Variants in MACROD2 observed in about 807,000 individuals in gnomAD.
MACROD2 encodes the protein mono-ADP ribosylhydrolase 2.
MACROD2 carries 36 observed loss-of-function variants against 70.4 expected under a neutral mutation model. The ratio of observed to expected loss-of-function variants is 0.51; its 90% CI spans 0.39 to 0.68. The LOEUF is 0.68. MACROD2 is among the 30% of genes least tolerant of loss of function. The pLI is 0.00. For synonymous variants in MACROD2, 172 were observed against 178.8 expected (o/e 0.96, Z 0.30); for missense variants, 496 against 538.4 (o/e 0.92, Z 0.78).
rs1285835482 is a variant in MACROD2 at position 15,372,858 on chromosome 20, C to T, written c.541-58547C>T. Among the ~76,000 whole-genome samples, 3 of 152,144 alleles carry T rather than the reference C, an allele frequency of 2.0e-5. No homozygotes were observed. The East Asian group carries it at 5.8e-4, about 29-fold the overall frequency. On this transcript the variant is annotated intron_variant, in intron 6 of 17. Transcript: ENST00000684519. ...CTTGAGGCCAGGAGTCAGAGAACAGCCTGGGCAACAAAGCATGACCCCATC... is the reference window on the plus strand; with the variant it reads ...CTTGAGGCCAGGAGTCAGAGAACAGTCTGGGCAACAAAGCATGACCCCATC...
At chr20:15,610,108 C>G (rs111268006) in intron 8 of MACROD2, among the ~76,000 whole-genome samples, 2 of 152,178 alleles carry the variant, frequency 1.3e-5, no homozygotes, top group African/African-American at 4.8e-5. Flanking sequence ...TTTCACTTAA[C>G]GTAAACTGCT....
At chr20:15,402,624 A>C (rs770759354) in intron 6 of MACROD2, among the ~76,000 whole-genome samples, 25 of 152,234 alleles carry the variant, frequency 1.6e-4, no homozygotes, top group Non-Finnish European at 3.5e-4. Flanking sequence ...AAGGAAGCCC[A>C]GAAGAGTGAG....
At chr20:15,723,486 C>A (rs2050817965) in intron 8 of MACROD2, among the ~76,000 whole-genome samples, 1 of 152,192 alleles carries the variant, frequency 6.6e-6, no homozygotes, top group Admixed American at 6.5e-5. Flanking sequence ...GATCTTTATA[C>A]TGTCCCCATA....
intron 4 of MACROD2, among the ~76,000 whole-genome samples, chr20:14,506,824 G>T (rs1936222897): frequency 6.6e-6 from 1 of 152,120 alleles, no homozygotes; most frequent in Admixed American, 6.5e-5. Context: ...GGTGGCACGT[G>T]CCTGCAGTCC....
intron 3 of MACROD2, among the ~76,000 whole-genome samples, chr20:14,480,807 C>G (rs1600285194): frequency 6.6e-6 from 1 of 152,038 alleles, no homozygotes; most frequent in Non-Finnish European, 1.5e-5. Flanking sequence ...ACTTGATACT[C>G]ATAAAGTTAT....
At chr20:14,818,941 A>C (rs1416416534) in intron 5 of MACROD2, among the ~76,000 whole-genome samples, 1 of 149,090 alleles carries the variant, frequency 6.7e-6, no homozygotes, top group East Asian at 2.0e-4. Flanking sequence ...AACAAAACCG[A>C]AGTTCAGAGA....
At chr20:14,317,687 C>G (rs2082625460) in intron 3 of MACROD2, among the ~76,000 whole-genome samples, 1 of 151,556 alleles carries the variant, frequency 6.6e-6, no homozygotes, top group Admixed American at 6.6e-5. Context: ...TTTTGGTCTA[C>G]TGCTGTACAC....
rs1371302418 is a variant in MACROD2, at chr20:15,843,007, C to T, written c.646-19738C>T. Among the ~76,000 whole-genome samples the T allele has an allele frequency of 2.6e-5, 4 of 152,260 alleles. No homozygotes were observed. In the East Asian group the frequency reaches 5.8e-4, roughly 22 times the overall value. ...AGGCACCTAGAAAAGAGACAGGAAA[C>T]AGTAGACTAGATTTCAGTCACGACC... On this transcript the variant is annotated intron_variant, in intron 8 of 17. Coordinates refer to ENST00000684519, the MANE Select transcript of MACROD2 (RefSeq NM_001351661.2).
chr20:14,786,758 C>T (rs2123794395), intron 5 of MACROD2, among the ~76,000 whole-genome samples: 1 of 152,170 alleles, frequency 6.6e-6, no homozygotes, highest in East Asian at 1.9e-4. Flanking sequence ...CCTATCTCTT[C>T]AGAATCTCCA....
intron 6 of MACROD2, among the ~76,000 whole-genome samples, chr20:15,244,770 A>T (rs1287922462): frequency 6.6e-6 from 1 of 152,208 alleles, no homozygotes; most frequent in Non-Finnish European, 1.5e-5. Flanking sequence ...ATGGGTAATT[A>T]AAAACTTCCA....
chr20:14,096,364 CTTT>C (rs71335950), intron 3 of MACROD2, among the ~76,000 whole-genome samples: 8 of 118,080 alleles, frequency 6.8e-5, no homozygotes, highest in Non-Finnish European at 1.0e-4. Flanking sequence ...GTTATTTTAC[CTTT>C]TTTTTTTTTT....
intron 5 of MACROD2, among the ~76,000 whole-genome samples, chr20:14,841,822 T>TA (rs2073090341): frequency 6.6e-6 from 1 of 152,180 alleles, no homozygotes; most frequent in East Asian, 1.9e-4. Flanking sequence ...ATGACCTTGG[T>TA]ATTACTTATA....
At chr20:15,793,058 G>A (rs1337206875) in intron 8 of MACROD2, among the ~76,000 whole-genome samples, 2 of 151,956 alleles carry the variant, frequency 1.3e-5, no homozygotes, top group Non-Finnish European at 2.9e-5. Context: ...GATAAATGAC[G>A]TCATTTAAAA....
At chr20:15,796,711 A>G (rs1374976337) in intron 8 of MACROD2, among the ~76,000 whole-genome samples, 3 of 152,178 alleles carry the variant, frequency 2.0e-5, no homozygotes, top group African/African-American at 7.2e-5. Context: ...TTATCTCCTG[A>G]AAATTTCTTT....
At chr20:15,861,921 T>G (rs1224570989) in intron 8 of MACROD2, among the ~76,000 whole-genome samples, 1 of 152,216 alleles carries the variant, frequency 6.6e-6, no homozygotes, top group African/African-American at 2.4e-5. Flanking sequence ...TTTTATGTTG[T>G]TAAAACAAAA....
At chr20:14,435,672 C>A (rs1005341526) in intron 3 of MACROD2, among the ~76,000 whole-genome samples, 5 of 151,842 alleles carry the variant, frequency 3.3e-5, no homozygotes, top group Non-Finnish European at 5.9e-5. Context: ...TCTTATATTA[C>A]TTAAAGTACA....
In MACROD2 at chr20:16,052,321, G is replaced by A. The variant is rs1184489116; in HGVS notation, c.*2445G>A. 6.6e-6 allele frequency: 1 copy of A among 152,162 alleles called. No individual in the cohort carries two copies. Among genetic ancestry groups the A allele is most frequent in the African/African-American group, 2.4e-5 (1 of 41,444 alleles). 9.4% of individuals were successfully genotyped at this position (152,162 alleles called of 1,614,324 possible). A position where few individuals can be genotyped will look rare whatever the true frequency, so the allele number is the denominator to read the frequency against. Reference sequence around the variant, plus strand: ...ACACAGAAAACCTTTATTTGCTGGTGCTGCCATTGCACAGGCTGTACAATG... The same window carrying A: ...ACACAGAAAACCTTTATTTGCTGGTACTGCCATTGCACAGGCTGTACAATG... On this transcript the variant is annotated 3_prime_UTR_variant, in exon 18 of 18. Coordinates refer to ENST00000684519, the MANE Select transcript of MACROD2 (RefSeq NM_001351661.2).
intron 2 of MACROD2, among the ~76,000 whole-genome samples, chr20:14,066,936 C>T (rs1250326898): frequency 7.3e-5 from 11 of 151,064 alleles, no homozygotes; most frequent in Admixed American, 4.0e-4. Context: ...CTCAGCCTCC[C>T]GAGTAGCTGG....
At chr20:14,875,896 C>T (rs189524383) in intron 5 of MACROD2, among the ~76,000 whole-genome samples, 11 of 152,150 alleles carry the variant, frequency 7.2e-5, no homozygotes, top group Non-Finnish European at 1.0e-4. Flanking sequence ...TTGATGGCCA[C>T]GTAGATGGAT....
Sources: gnomAD v4.1 joint callset for allele counts (sites outside exome capture counted in the v4.1 genomes callset) on GRCh38, gnomAD v4.1.1 for gene constraint, MANE v1.5 for transcripts, NCBI Gene and HGNC (gene_info 2026-07-23, HGNC 2026-07-21) for gene names.